The following EPB41L2 variants were observed in gnomAD, a reference collection of about 807,000 sequenced individuals.
The protein encoded by EPB41L2 is band 4.1-like protein 2.
Under a neutral mutation model 113.0 loss-of-function variants are expected in EPB41L2, and 43 were observed. That is an observed-to-expected ratio of 0.38 (90% CI 0.30 to 0.49). The LOEUF (loss-of-function observed/expected upper bound fraction) is 0.49. Ranked by LOEUF, EPB41L2 falls within the 20% of genes least tolerant of loss-of-function variation. The probability of loss-of-function intolerance (pLI) is 0.95; values close to 1 mark genes in which losing one functional copy is unlikely to be tolerated. For synonymous variants in EPB41L2, 442 were observed against 436.7 expected (o/e 1.01, Z -0.15); for missense variants, 1,147 against 1,223.4 (o/e 0.94, Z 0.93).
At chr6:130,870,822 A>T (rs935032192) in intron 14 of EPB41L2, among the ~76,000 whole-genome samples, 1 of 109,372 alleles carries the variant, frequency 9.1e-6, no homozygotes, top group Admixed American at 9.1e-5. Context: ...GGTTTTCTTT[A>T]AAAAAAAAAA....
chr6:131,019,425 T>C (rs1788957663), intron 1 of EPB41L2, among the ~76,000 whole-genome samples: 1 of 152,202 alleles, frequency 6.6e-6, no homozygotes, highest in Non-Finnish European at 1.5e-5. Flanking sequence ...CTTGTCATAT[T>C]GTACTGCCAA....
intron 12 of EPB41L2, chr6:130,883,246 G>A (rs928957893): frequency 6.6e-6 from 1 of 152,594 alleles, no homozygotes; most frequent in African/African-American, 2.4e-5. Flanking sequence ...ATGCAAGAGA[G>A]AAAGAGGACA....
chr6:131,029,895 CTTTT>C (rs959016942), intron 1 of EPB41L2, among the ~76,000 whole-genome samples: 1 of 6,934 alleles, frequency 1.4e-4, no homozygotes, highest in Admixed American at 9.0e-4. Context: ...GGATTTTTCT[CTTTT>C]TTTCTTTTTT....
intron 3 of EPB41L2, among the ~76,000 whole-genome samples, chr6:130,951,610 C>T (rs540632660): frequency 9.9e-5 from 15 of 151,798 alleles, no homozygotes; most frequent in South Asian, 2.1e-4. Flanking sequence ...AGGCATGACC[C>T]ACTGTGCCCG....
At chr6:131,044,019 C>CTTT (rs35350923) in intron 1 of EPB41L2, among the ~76,000 whole-genome samples, 31 of 103,042 alleles carry the variant, frequency 3.0e-4, no homozygotes, top group South Asian at 2.3e-3. Flanking sequence ...CTAAATAATG[C>CTTT]TTTTTTTTTT....
At chr6:130,974,003 G>A (rs1464170840) in intron 1 of EPB41L2, among the ~76,000 whole-genome samples, 1 of 151,982 alleles carries the variant, frequency 6.6e-6, no homozygotes, top group South Asian at 2.1e-4. Flanking sequence ...TCCATCCTAC[G>A]CATTTCTTAA....
At chr6:130,928,416 G>T (rs530074676) in intron 3 of EPB41L2, among the ~76,000 whole-genome samples, 5 of 152,172 alleles carry the variant, frequency 3.3e-5, no homozygotes, top group Admixed American at 1.3e-4. Context: ...TACCACAGGA[G>T]GTGCGGTGAG....
chr6:130,944,142 A>C (rs1811876150), intron 3 of EPB41L2, among the ~76,000 whole-genome samples: 1 of 138,844 alleles, frequency 7.2e-6, no homozygotes, highest in African/African-American at 2.6e-5. Flanking sequence ...GGGTGGGTGG[A>C]TTATATATAT....
chr6:130,875,728 G>A (rs1366123718), intron 14 of EPB41L2, among the ~76,000 whole-genome samples: 1 of 152,146 alleles, frequency 6.6e-6, no homozygotes, highest in Non-Finnish European at 1.5e-5. Flanking sequence ...GCCGGGTGTG[G>A]TGGCTCACGC....
intron 19 of EPB41L2, among the ~76,000 whole-genome samples, chr6:130,844,017 A>G (rs1776271607): frequency 6.6e-6 from 1 of 152,198 alleles, no homozygotes; most frequent in Non-Finnish European, 1.5e-5. Context: ...CTCAATCTTG[A>G]GTGCTCTACT....
At chr6:131,044,978 A>T (rs1162931723) in intron 1 of EPB41L2, among the ~76,000 whole-genome samples, 1 of 152,188 alleles carries the variant, frequency 6.6e-6, no homozygotes, top group Non-Finnish European at 1.5e-5. Flanking sequence ...ATACATATAC[A>T]CACATCCATA....
At chr6:131,037,867 G>T (rs944133276) in intron 1 of EPB41L2, among the ~76,000 whole-genome samples, 3 of 152,042 alleles carry the variant, frequency 2.0e-5, no homozygotes, top group Non-Finnish European at 4.4e-5. Context: ...AGGATTACAG[G>T]CATGAGCCAT....
At chr6:130,872,392 C>A in intron 14 of EPB41L2, 2 of 1,288,610 alleles carry the variant, frequency 1.6e-6, no homozygotes, top group Non-Finnish European at 2.0e-6. Context: ...GTGAGAAGGG[C>A]GAGGAAGAAA....
intron 3 of EPB41L2, among the ~76,000 whole-genome samples, chr6:130,943,153 A>G (rs1811496829): frequency 6.6e-6 from 1 of 152,120 alleles, no homozygotes; most frequent in Admixed American, 6.6e-5. Context: ...CTGGTTCTAG[A>G]TCCTTAAGGA....
chr6:131,041,700 C>CA (rs975119142), intron 1 of EPB41L2, among the ~76,000 whole-genome samples: 1 of 151,746 alleles, frequency 6.6e-6, no homozygotes, highest in African/African-American at 2.4e-5. Flanking sequence ...AATAGAGTTT[C>CA]AACAAATCAA....
intron 3 of EPB41L2, among the ~76,000 whole-genome samples, chr6:130,931,908 C>T (rs1319028622): frequency 6.6e-6 from 1 of 152,144 alleles, no homozygotes; most frequent in Non-Finnish European, 1.5e-5. Context: ...CTACTCTTAA[C>T]AGCTCTGTAA....
At chr6:131,001,562 T>G (rs1336833784) in intron 1 of EPB41L2, among the ~76,000 whole-genome samples, 1 of 152,190 alleles carries the variant, frequency 6.6e-6, no homozygotes, top group East Asian at 1.9e-4. Flanking sequence ...TCTCCAACAC[T>G]TAAGCTGTCA....
chr6:130,857,672 C>G (rs1780720353), intron 19 of EPB41L2, among the ~76,000 whole-genome samples: 1 of 149,782 alleles, frequency 6.7e-6, no homozygotes, highest in African/African-American at 2.5e-5. Context: ...GATTCTCCTG[C>G]CTCAGGCTCC....
At chr6:131,007,947 T>C (rs1046231732) in intron 1 of EPB41L2, among the ~76,000 whole-genome samples, 2 of 152,230 alleles carry the variant, frequency 1.3e-5, no homozygotes, top group Admixed American at 1.3e-4. Context: ...CATTAAAGTT[T>C]GGAAAATTTG....
Sources: gnomAD v4.1 joint callset for allele counts (sites outside exome capture counted in the v4.1 genomes callset) on GRCh38, gnomAD v4.1.1 for gene constraint, MANE v1.5 for transcripts, NCBI Gene and HGNC (gene_info 2026-07-23, HGNC 2026-07-21) for gene names.